The following SAR1A variants were observed in gnomAD, a reference collection of about 807,000 sequenced individuals.
SAR1A encodes the protein small COPII coat GTPase SAR1A.
Under a neutral mutation model 22.6 loss-of-function variants are expected in SAR1A, and 6 were observed. That is an observed-to-expected ratio of 0.27 (90% CI 0.15 to 0.52). The LOEUF (loss-of-function observed/expected upper bound fraction) is 0.52. SAR1A is among the 20% of genes least tolerant of loss of function. The probability of loss-of-function intolerance (pLI) is 0.96; values close to 1 mark genes in which losing one functional copy is unlikely to be tolerated. For missense variants in SAR1A, 145 were observed against 245.1 expected, an observed-to-expected ratio of 0.59 and a Z score of 2.73; for synonymous variants, 70 against 82.2, an observed-to-expected ratio of 0.85 and a Z score of 0.80.
At chr10:70,155,083 C>T (rs763257034) in intron 5 of SAR1A, 2 of 527,214 alleles carry the variant, frequency 3.8e-6, no homozygotes, top group South Asian at 2.9e-5. Flanking sequence ...GAAGAGATGA[C>T]TCACATTAGG....
intron 1 of SAR1A, among the ~76,000 whole-genome samples, chr10:70,167,777 C>A (rs1676443923): frequency 1.3e-5 from 2 of 152,160 alleles, no homozygotes; most frequent in African/African-American, 4.8e-5. Flanking sequence ...TGGGTGGATA[C>A]ATACTAGGCT....
intron 5 of SAR1A, among the ~76,000 whole-genome samples, chr10:70,157,495 TGAG>T (rs916729501): frequency 2.0e-5 from 3 of 151,224 alleles, no homozygotes; most frequent in Admixed American, 1.3e-4. Flanking sequence ...CAGGCATAAA[TGAG>T]GAGTATCCTG....
chr10:70,167,064 A>G (rs759501466), intron 1 of SAR1A, among the ~76,000 whole-genome samples: 8 of 152,178 alleles, frequency 5.3e-5, no homozygotes, highest in Non-Finnish European at 7.3e-5. Context: ...AAGCCAGTAA[A>G]TAACTTAACT....
chr10:70,168,463 G>A (rs1839581052), intron 1 of SAR1A, among the ~76,000 whole-genome samples: 1 of 151,888 alleles, frequency 6.6e-6, no homozygotes, highest in Admixed American at 6.6e-5. Flanking sequence ...GGCATGGTGG[G>A]CGCCTGTTAT....
chr10:70,158,798 G>T (rs1589875756), intron 4 of SAR1A, among the ~76,000 whole-genome samples: 1 of 147,802 alleles, frequency 6.8e-6, no homozygotes, highest in Admixed American at 6.7e-5. Flanking sequence ...CAGTACTTTA[G>T]TAACTTTTAT....
At position 70,150,448 on chromosome 10, in the gene SAR1A, C is replaced by G. The variant is rs1839312791; in HGVS notation, c.*2028G>C. The stretch of plus-strand genomic sequence containing the variant: ...GGGGCAAGAAATACATTGGTTCTAA[C>G]TGATTTTCAATCCCCTTTCTCCAGT... On this transcript the variant is annotated 3_prime_UTR_variant, in exon 7 of 7. Transcript: ENST00000373241. The G allele has an allele frequency of 6.6e-6, 1 of 152,198 alleles. No homozygotes were observed. The highest frequency in any genetic ancestry group is 1.5e-5 in the Non-Finnish European group (1 of 68,036). The allele number at this position is 152,198 out of a possible 1,614,324, so 9.4% of individuals were successfully genotyped here.
intron 1 of SAR1A, chr10:70,163,826 G>GT (rs1839508978): frequency 6.7e-7 from 1 of 1,501,204 alleles, no homozygotes; most frequent in Non-Finnish European, 9.3e-7. Flanking sequence ...CAGAAGCAGA[G>GT]TTACAGGACA....
chr10:70,161,569 T>C, intron 3 of SAR1A, 50 bp downstream of exon 3: 1 of 1,606,368 alleles, frequency 6.2e-7, no homozygotes, highest in Non-Finnish European at 8.5e-7. Flanking sequence ...CCTCCACGCC[T>C]AACACTGACC....
intron 6 of SAR1A, among the ~76,000 whole-genome samples, chr10:70,152,979 C>G (rs559861808): frequency 7.9e-5 from 12 of 152,234 alleles, no homozygotes; most frequent in South Asian, 2.1e-4. Context: ...CAGAAATAAA[C>G]ACTCATAACA....
intron 5 of SAR1A, among the ~76,000 whole-genome samples, chr10:70,154,934 G>A (rs533366850): frequency 6.6e-6 from 1 of 152,352 alleles, no homozygotes; most frequent in Non-Finnish European, 1.5e-5. Context: ...AGGAAGGGCA[G>A]GGTTTGGATA....
In SAR1A at chr10:70,152,098, T is replaced by C. The variant is rs560543420; in HGVS notation, c.*378A>G. The stretch of plus-strand genomic sequence containing the variant: ...CAAGTAAATTGTGAACTCAAAAAGT[T>C]AGGAGGGATACCAATTACATTAACA... On this transcript the variant is annotated 3_prime_UTR_variant, in exon 7 of 7. Transcript: ENST00000373241. 27 of 254,040 alleles carry C rather than the reference T, an allele frequency of 1.1e-4. No individual in the cohort carries two copies. In the Admixed American group the frequency reaches 1.2e-3, roughly 11 times the overall value. 15.7% of individuals were successfully genotyped at this position (254,040 alleles called of 1,614,324 possible).
intron 5 of SAR1A, chr10:70,155,134 C>T (rs757144253): frequency 1.9e-6 from 1 of 523,856 alleles, no homozygotes; most frequent in South Asian, 1.4e-5. Flanking sequence ...CCTAAAAGAC[C>T]ACAAATCCAG....
intron 4 of SAR1A, 133 bp downstream of exon 4, chr10:70,160,871 C>T: frequency 1.6e-6 from 1 of 613,958 alleles, no homozygotes. Flanking sequence ...AACAACTTCA[C>T]TAAAGTAATA....
chr10:70,155,466 AC>A (rs1487302965), intron 5 of SAR1A, among the ~76,000 whole-genome samples: 1 of 152,256 alleles, frequency 6.6e-6, no homozygotes, highest in Non-Finnish European at 1.5e-5. Context: ...GAAATGTTAC[AC>A]AAAATTAGAA....
rs1174325638 is a variant in SAR1A, at chr10:70,149,853, CAATTCT to C, written c.*2617_*2622del. ...TACAGCGTGAGCCACCACACCTGGC[CAATTCT>C]AATTCTGTGTAAAATGAGTGAAACA... On this transcript the variant is annotated 3_prime_UTR_variant, in exon 7 of 7. Transcript: ENST00000373241. 6.6e-6 allele frequency: 1 copy of C among 152,074 alleles called. No homozygotes were observed. Among genetic ancestry groups the C allele is most frequent in the Non-Finnish European group, 1.5e-5 (1 of 68,032 alleles). The allele number at this position is 152,074 out of a possible 1,614,324, so 9.4% of individuals were successfully genotyped here. A position where few individuals can be genotyped will look rare whatever the true frequency, so the allele number is the denominator to read the frequency against.
chr10:70,164,113 T>C (rs950997271), intron 1 of SAR1A: 3 of 740,164 alleles, frequency 4.1e-6, no homozygotes, highest in East Asian at 2.5e-5. Context: ...TTTGTACAAA[T>C]GATGACAGCA....
Position 70,161,068 on chromosome 10 carries a change from T to G in SAR1A, c.180A>C (p.Thr60=). Residue 60 remains threonine (T), a splice_region_variant and synonymous_variant, in exon 4 of 7, where the codon ACA becomes ACC. Transcript: ENST00000373241. ...LGQHVPTLHP[T]SEELTIAGMT... ...TTCCAGCAATTGTTAGCTCTTCTGA[T>G]GCTGAAAAATTGTTTAAAAAGAAGA... 6.2e-7 allele frequency: 1 copy of G among 1,611,206 alleles called. No individual in the cohort carries two copies. The highest frequency in any genetic ancestry group is 2.2e-5 in the East Asian group (1 of 44,786).
intron 1 of SAR1A, among the ~76,000 whole-genome samples, chr10:70,164,540 T>C (rs1263850406): frequency 1.3e-5 from 2 of 152,246 alleles, no homozygotes; most frequent in Non-Finnish European, 2.9e-5. Flanking sequence ...TACTGCAGAA[T>C]GGGTGTATTA....
At position 70,151,554 on chromosome 10, in the gene SAR1A, AAAGT is replaced by A. The variant is rs1839327396; in HGVS notation, c.*918_*921del. ...AAAATGTCCCCCTAGAATCTGTGCA[AAAGT>A]AACTGATGCACCTGCAGTATGTGAC... On this transcript the variant is annotated 3_prime_UTR_variant, in exon 7 of 7. Coordinates refer to ENST00000373241, the MANE Select transcript of SAR1A (RefSeq NM_020150.5). The A allele has an allele frequency of 6.6e-6, 1 of 152,584 alleles. No individual in the cohort carries two copies. The highest frequency in any genetic ancestry group is 2.4e-5 in the African/African-American group (1 of 41,442). 9.5% of individuals were successfully genotyped at this position (152,584 alleles called of 1,614,324 possible).
Sources: allele counts gnomAD v4.1 joint callset (sites outside exome capture counted in the v4.1 genomes callset), GRCh38; gene constraint gnomAD v4.1.1; transcripts MANE v1.5; gene names NCBI Gene and HGNC (gene_info 2026-07-23, HGNC 2026-07-21).